The following DEUP1 variants were observed in gnomAD, a reference collection of about 807,000 sequenced individuals.
DEUP1 encodes the protein deuterosome assembly protein 1.
DEUP1 carries 82 observed loss-of-function variants against 87.4 expected under a neutral mutation model. The observed-to-expected ratio is 0.94, with a 90% CI of 0.78 to 1.13. The LOEUF is 1.13. DEUP1 is among the 50% of genes most tolerant of loss of function. DEUP1 has a pLI of 0.00. For synonymous variants in DEUP1, 214 were observed against 222.7 expected (o/e 0.96, Z 0.35); for missense variants, 663 against 681.5 (o/e 0.97, Z 0.30).
intron 7 of DEUP1, among the ~76,000 whole-genome samples, chr11:93,376,091 G>C (rs1160195732): frequency 1.3e-5 from 2 of 152,092 alleles, no homozygotes; most frequent in Non-Finnish European, 2.9e-5. Flanking sequence ...TGGGTTTACA[G>C]GTGCCTACCA....
At position 93,437,746 on chromosome 11, in the gene DEUP1, C is replaced by CCT; in HGVS notation, c.*28_*29insTC. On this transcript the variant is annotated 3_prime_UTR_variant, in exon 14 of 14. Coordinates refer to ENST00000298050, the MANE Select transcript of DEUP1 (RefSeq NM_181645.4). ...CTTTTAAACTTTTTTATTTGCTTCC[C>CCT]CCCCCCACCCCCGCCAAGAAAAAAA... The CCT allele has an allele frequency of 3.8e-6, 4 of 1,047,250 alleles. No individual in the cohort carries two copies. In the East Asian group the frequency reaches 8.5e-5, roughly 22 times the overall value. 64.9% of individuals were successfully genotyped at this position (1,047,250 alleles called of 1,614,324 possible). A position where few individuals can be genotyped will look rare whatever the true frequency, so the allele number is the denominator to read the frequency against.
rs542812095 is a variant in DEUP1 at position 93,419,364 on chromosome 11, T to A, written c.1638+4250T>A. On this transcript the variant is annotated intron_variant, in intron 13 of 13. Transcript: ENST00000298050. ...ATGTGCTGTGTGTCATAGCCTGTAC[T>A]TTGTATGATAGCATCAAGGTTGCTT... 7.2e-5 allele frequency among the ~76,000 whole-genome samples: 11 copies of A among 152,272 alleles called. No individual in the cohort carries two copies. The East Asian group carries it at 2.1e-3, about 29-fold the overall frequency.
chr11:93,354,864 C>T (rs1183532215), intron 2 of DEUP1, among the ~76,000 whole-genome samples: 2 of 152,134 alleles, frequency 1.3e-5, no homozygotes, highest in Non-Finnish European at 2.9e-5. Context: ...TATATCACTG[C>T]CTGATCCAAT....
chr11:93,335,706 C>A (rs532387323), intron 2 of DEUP1, among the ~76,000 whole-genome samples: 1 of 152,326 alleles, frequency 6.6e-6, no homozygotes, highest in East Asian at 1.9e-4. Context: ...ATATTACCAT[C>A]CCTGCTTTCT....
At chr11:93,416,317 C>A (rs1947625371) in intron 13 of DEUP1, among the ~76,000 whole-genome samples, 1 of 152,080 alleles carries the variant, frequency 6.6e-6, no homozygotes, top group East Asian at 1.9e-4. Context: ...AGAGAAGAAT[C>A]AAATAGATGC....
chr11:93,349,993 C>G (rs1470364774), intron 2 of DEUP1, among the ~76,000 whole-genome samples: 2 of 152,088 alleles, frequency 1.3e-5, no homozygotes, highest in East Asian at 3.9e-4. Flanking sequence ...GACAGAATAA[C>G]TAAAAGTGGG....
intron 8 of DEUP1, among the ~76,000 whole-genome samples, chr11:93,385,928 C>G (rs1432976787): frequency 6.6e-6 from 1 of 151,864 alleles, no homozygotes; most frequent in African/African-American, 2.4e-5. Context: ...GGGCACACAC[C>G]TGTAGTCCCA....
chr11:93,407,877 A>C (rs1947325100), intron 11 of DEUP1, among the ~76,000 whole-genome samples: 1 of 151,644 alleles, frequency 6.6e-6, no homozygotes, highest in South Asian at 2.1e-4. Flanking sequence ...GTAATGGCAA[A>C]AACCGCAATT....
At chr11:93,365,323 A>C (rs1044366783) in intron 5 of DEUP1, among the ~76,000 whole-genome samples, 2 of 152,232 alleles carry the variant, frequency 1.3e-5, no homozygotes, top group East Asian at 1.9e-4. Flanking sequence ...AATAATACAT[A>C]GTTTTTTAAA....
At chr11:93,337,230 C>T (rs1276040407) in intron 2 of DEUP1, among the ~76,000 whole-genome samples, 2 of 152,102 alleles carry the variant, frequency 1.3e-5, no homozygotes, top group African/African-American at 4.8e-5. Context: ...CTTTCTTAAC[C>T]CTTAAAGTAT....
intron 4 of DEUP1, among the ~76,000 whole-genome samples, chr11:93,359,755 A>G (rs1486744442): frequency 6.6e-6 from 1 of 152,170 alleles, no homozygotes; most frequent in Non-Finnish European, 1.5e-5. Flanking sequence ...AAAACAGAAA[A>G]CAAACAAACA....
chr11:93,373,625 G>GTATATATA (rs1555048258), intron 7 of DEUP1, among the ~76,000 whole-genome samples: 2,062 of 66,678 alleles, frequency 0.031, 22 homozygotes, highest in East Asian at 0.1. Flanking sequence ...ATATATATAC[G>GTATATATA]TATATATATA....
intron 13 of DEUP1, among the ~76,000 whole-genome samples, chr11:93,428,995 T>G (rs1329632974): frequency 8.5e-5 from 13 of 152,196 alleles, no homozygotes; most frequent in Admixed American, 8.5e-4. Flanking sequence ...TGAGCACCAT[T>G]CATATGTTTA....
chr11:93,331,789 C>CA, intron 1 of DEUP1, among the ~76,000 whole-genome samples: 1 of 152,196 alleles, frequency 6.6e-6, no homozygotes, highest in South Asian at 2.1e-4. Flanking sequence ...GGTCGCTAAA[C>CA]AAAAAACTCA....
chr11:93,330,288 AC>A (rs55931745), upstream of DEUP1: 98,916 of 152,068 alleles, frequency 0.65, 32,748 homozygotes, highest in Admixed American at 0.76. Flanking sequence ...TGGATGATGA[AC>A]TCCCCAGCGG....
At position 93,364,295 on chromosome 11, in the gene DEUP1, G is replaced by A. The variant is rs747477143; in HGVS notation, c.432+1G>A. The A allele has an allele frequency of 4.4e-6, 7 of 1,606,292 alleles. No individual in the cohort carries two copies. Among genetic ancestry groups the A allele is most frequent in the Non-Finnish European group, 5.1e-6 (6 of 1,174,310 alleles). ...GAGCAATTTGAACCAGAAATTAGAG[G>A]TGAGATATATTATCTTAGTTTCTTC... On this transcript the variant is annotated splice_donor_variant, in intron 5 of 13. Coordinates refer to ENST00000298050, the MANE Select transcript of DEUP1 (RefSeq NM_181645.4). LOFTEE classifies it high-confidence loss of function.
chr11:93,373,624 C>CATATAT (rs1945865108), intron 7 of DEUP1, among the ~76,000 whole-genome samples: 1 of 78,868 alleles, frequency 1.3e-5, no homozygotes, highest in African/African-American at 3.2e-5. Flanking sequence ...TATATATATA[C>CATATAT]GTATATATAT....
chr11:93,437,548 C>T lies in DEUP1; in HGVS notation c.1644C>T (p.Pro548=). 1 of 1,609,958 alleles carries T rather than the reference C, an allele frequency of 6.2e-7. No homozygotes were observed. Among genetic ancestry groups the T allele is most frequent in the Admixed American group, 1.7e-5 (1 of 58,648 alleles). Residue 548 remains proline (P), a synonymous_variant, in exon 14 of 14, where the codon CCC becomes CCT. Coordinates refer to ENST00000298050, the MANE Select transcript of DEUP1 (RefSeq NM_181645.4). ...VSDDDVFPLS[P]PDMSFPASLA... The stretch of plus-strand genomic sequence containing the variant: ...TTCTTTCTTTCTCTCTTTAGTCTCC[C>T]CCAGATATGTCCTTCCCAGCATCTT...
At chr11:93,406,141 T>C (rs919581736) in intron 11 of DEUP1, among the ~76,000 whole-genome samples, 2 of 151,960 alleles carry the variant, frequency 1.3e-5, no homozygotes, top group Non-Finnish European at 2.9e-5. Context: ...CCTCAGCTAA[T>C]CTTTATTCTT....
Sources: gnomAD v4.1 joint callset for allele counts (sites outside exome capture counted in the v4.1 genomes callset) on GRCh38, gnomAD v4.1.1 for gene constraint, MANE v1.5 for transcripts, NCBI Gene and HGNC (gene_info 2026-07-23, HGNC 2026-07-21) for gene names.